The following RNF220 variants were observed in gnomAD, a reference collection of about 807,000 sequenced individuals.
RNF220 encodes the protein E3 ubiquitin-protein ligase RNF220.
In RNF220, 7 loss-of-function variants were observed where a neutral mutation model predicts 67.1. The ratio of observed to expected loss-of-function variants is 0.10; its 90% CI spans 0.06 to 0.20. The LOEUF (loss-of-function observed/expected upper bound fraction) is 0.20, where lower values mean the gene tolerates loss of function less well. Ranked by LOEUF, RNF220 falls within the 10% of genes least tolerant of loss-of-function variation. The pLI is 1.00. For synonymous variants in RNF220, 270 were observed against 283.2 expected (o/e 0.95, Z 0.47); for missense variants, 565 against 740.3 (o/e 0.76, Z 2.75).
At chr1:44,632,649 G>A (rs1644196774) in intron 6 of RNF220, 1 of 576,102 alleles carries the variant, frequency 1.7e-6, no homozygotes, top group Non-Finnish European at 3.1e-6. Context: ...GCCGGAGAAT[G>A]AGGAACGAGC....
chr1:44,456,255 T>C (rs1411662023), intron 2 of RNF220, among the ~76,000 whole-genome samples: 1 of 152,194 alleles, frequency 6.6e-6, no homozygotes, highest in East Asian at 1.9e-4. Context: ...GTTCCTATTA[T>C]GAAGTAAGGT....
intron 2 of RNF220, among the ~76,000 whole-genome samples, chr1:44,576,855 C>A (rs1467218111): frequency 6.6e-6 from 1 of 152,166 alleles, no homozygotes; most frequent in Non-Finnish European, 1.5e-5. Flanking sequence ...CAATGATCTT[C>A]CTCACCTCAT....
intron 2 of RNF220, among the ~76,000 whole-genome samples, chr1:44,439,894 G>A (rs985286743): frequency 6.6e-6 from 1 of 152,210 alleles, no homozygotes; most frequent in Non-Finnish European, 1.5e-5. Context: ...GAAATAAAAT[G>A]TGATGAGTGA....
Position 44,645,566 on chromosome 1 carries a change from C to CT in RNF220, c.1445+79dup, listed in dbSNP as rs1175418370. 1 of 1,427,702 alleles carries CT rather than the reference C, an allele frequency of 7.0e-7. No individual in the cohort carries two copies. Among genetic ancestry groups the CT allele is most frequent in the African/African-American group, 1.4e-5 (1 of 70,790 alleles). The allele number at this position is 1,427,702 out of a possible 1,614,324, so 88.4% of individuals were successfully genotyped here. A position where few individuals can be genotyped will look rare whatever the true frequency, so the allele number is the denominator to read the frequency against. ...GGCCCTTTGCTAGCAGGAAGGCCTG[C>CT]TGCCAGGGCTTCTGGCCCTCCCAAG... On this transcript the variant is annotated intron_variant, in intron 12 of 14. Coordinates refer to ENST00000361799, the MANE Select transcript of RNF220 (RefSeq NM_018150.4). The surrounding 1 kb of genome is among the most constrained non-coding windows in gnomAD (Gnocchi z 5.0).
intron 12 of RNF220, chr1:44,648,698 C>G (rs1644712673): frequency 6.6e-6 from 1 of 152,190 alleles, no homozygotes; most frequent in Non-Finnish European, 1.5e-5. Context: ...GCAAAGAGAC[C>G]TAGATCATGT....
At chr1:44,419,879 T>A (rs1000323649) in intron 2 of RNF220, 1 of 152,236 alleles carries the variant, frequency 6.6e-6, no homozygotes, top group East Asian at 1.9e-4. Context: ...AAAATTTAAA[T>A]CTACTTTTTT....
intron 9 of RNF220, 53 bp from the exon 10 acceptor site, chr1:44,644,942 A>G: frequency 1.3e-6 from 2 of 1,599,886 alleles, no homozygotes; most frequent in Non-Finnish European, 1.7e-6. Flanking sequence ...TGAGGATTCA[A>G]CCCTCATAGC....
intron 2 of RNF220, among the ~76,000 whole-genome samples, chr1:44,540,034 A>T (rs972276902): frequency 6.6e-6 from 1 of 152,212 alleles, no homozygotes; most frequent in Non-Finnish European, 1.5e-5. Context: ...GCCCACTGTG[A>T]TAGGGTCCAC....
At chr1:44,431,125 A>G (rs1023393576) in intron 2 of RNF220, among the ~76,000 whole-genome samples, 29 of 152,304 alleles carry the variant, frequency 1.9e-4, no homozygotes, top group African/African-American at 7.0e-4. Flanking sequence ...AAAAAAGGTT[A>G]ACTGATGGTT....
intron 2 of RNF220, among the ~76,000 whole-genome samples, chr1:44,413,938 C>T (rs193174415): frequency 2.6e-5 from 4 of 152,348 alleles, no homozygotes; most frequent in African/African-American, 7.2e-5. Context: ...TGCCTAAACC[C>T]AGCGTACCTT....
chr1:44,610,926 G>T lies in RNF220; in HGVS notation c.626-3239G>T, dbSNP rs541028947. Among the ~76,000 whole-genome samples, 27 of 152,244 alleles carry T rather than the reference G, an allele frequency of 1.8e-4. 1 individual carries two copies. The Middle Eastern group carries it at 0.01, about 58-fold the overall frequency. On this transcript the variant is annotated intron_variant, in intron 2 of 14. Coordinates refer to ENST00000361799, the MANE Select transcript of RNF220 (RefSeq NM_018150.4). ...CAGCGGTTTTTATGGCCCGTTTTAT[G>T]GCCACTGTAATGGCCCAGGTCAAAA...
intron 2 of RNF220, among the ~76,000 whole-genome samples, chr1:44,467,205 C>G (rs1553225192): frequency 6.6e-6 from 1 of 150,978 alleles, no homozygotes; most frequent in Non-Finnish European, 1.5e-5. Context: ...TAGCTTCAAA[C>G]TTTTTTTTTT....
At chr1:44,554,156 G>A (rs1356019209) in intron 2 of RNF220, among the ~76,000 whole-genome samples, 1 of 152,072 alleles carries the variant, frequency 6.6e-6, no homozygotes, top group Non-Finnish European at 1.5e-5. Flanking sequence ...CTGCAGAAGC[G>A]AACAGATATC....
chr1:44,592,732 C>T (rs1158693007), intron 2 of RNF220, among the ~76,000 whole-genome samples: 1 of 152,174 alleles, frequency 6.6e-6, no homozygotes, highest in Non-Finnish European at 1.5e-5. Context: ...GAAAAGAAGA[C>T]TCGGATGGGT....
At chr1:44,543,139 G>A (rs763435024) in intron 2 of RNF220, among the ~76,000 whole-genome samples, 4 of 151,782 alleles carry the variant, frequency 2.6e-5, no homozygotes, top group South Asian at 2.1e-4. Context: ...TGAGCTTTCC[G>A]GAGGGATGGT....
chr1:44,556,721 G>A (rs556263128), intron 2 of RNF220, among the ~76,000 whole-genome samples: 2 of 152,030 alleles, frequency 1.3e-5, no homozygotes, highest in Non-Finnish European at 2.9e-5. Flanking sequence ...ACCACGCCCT[G>A]CTAATTTTTT....
chr1:44,517,917 G>T (rs1659583169), intron 2 of RNF220, among the ~76,000 whole-genome samples: 1 of 152,078 alleles, frequency 6.6e-6, no homozygotes, highest in African/African-American at 2.4e-5. Context: ...GACCAGCCTG[G>T]CCAACATGGC....
chr1:44,521,164 T>A (rs1659910014), intron 2 of RNF220, among the ~76,000 whole-genome samples: 1 of 152,240 alleles, frequency 6.6e-6, no homozygotes, highest in Non-Finnish European at 1.5e-5. Context: ...CCCAAAGTGC[T>A]GGGATGACAG....
rs139261294 is a variant in RNF220 at position 44,410,012 on chromosome 1, A to G, written c.-117-1969A>G. Reference sequence around the variant, plus strand: ...TTATTTTCAGTGTAATGAAGTTTTCAAATGAATAACCAGGGTTGAGTGATT... The same window carrying G: ...TTATTTTCAGTGTAATGAAGTTTTCGAATGAATAACCAGGGTTGAGTGATT... On this transcript the variant is annotated intron_variant, in intron 1 of 14. Transcript: ENST00000361799. Among the ~76,000 whole-genome samples, 781 of 152,362 alleles carry G rather than the reference A, an allele frequency of 5.1e-3. 7 individuals are homozygous for G. The highest frequency in any genetic ancestry group is 0.018 in the African/African-American group (734 of 41,582).
Sources: gnomAD v4.1 joint callset for allele counts (sites outside exome capture counted in the v4.1 genomes callset) on GRCh38, gnomAD v4.1.1 for gene constraint, Gnocchi (gnomAD v3.1) non-coding constraint, MANE v1.5 for transcripts, NCBI Gene and HGNC (gene_info 2026-07-23, HGNC 2026-07-21) for gene names.